The following BTBD9 variants were observed in gnomAD, a reference collection of about 807,000 sequenced individuals.
The protein encoded by BTBD9 is BTB domain containing 9.
A neutral mutation model predicts 64.3 loss-of-function variants in BTBD9; 49 were observed. The ratio of observed to expected loss-of-function variants is 0.76; its 90% CI spans 0.61 to 0.97. BTBD9 has a LOEUF of 0.97. Ranked by LOEUF, BTBD9 falls within the 50% of genes least tolerant of loss-of-function variation. BTBD9 has a pLI of 0.00. For synonymous variants in BTBD9, 260 were observed against 274.7 expected (o/e 0.95, Z 0.53); for missense variants, 598 against 762.1 (o/e 0.78, Z 2.53).
intron 8 of BTBD9, among the ~76,000 whole-genome samples, chr6:38,268,106 T>C (rs1582139848): frequency 6.6e-6 from 1 of 152,224 alleles, no homozygotes; most frequent in South Asian, 2.1e-4. Context: ...TGAATTATGT[T>C]TCAATGCAAA....
intron 9 of BTBD9, among the ~76,000 whole-genome samples, chr6:38,241,290 T>G (rs1161634466): frequency 6.6e-6 from 1 of 152,160 alleles, no homozygotes; most frequent in African/African-American, 2.4e-5. Context: ...ACAGCAGAAA[T>G]TTACACTAAG....
chr6:38,512,861 C>G (rs1021643957), intron 6 of BTBD9, among the ~76,000 whole-genome samples: 2 of 152,068 alleles, frequency 1.3e-5, no homozygotes, highest in African/African-American at 4.8e-5. Context: ...TAGCTTAATG[C>G]TAAAGTTTAA....
chr6:38,198,478 G>C, intron 9 of BTBD9, among the ~76,000 whole-genome samples: 1 of 152,218 alleles, frequency 6.6e-6, no homozygotes, highest in East Asian at 1.9e-4. Context: ...AAGGGTGACC[G>C]TAGTGCTCAG....
At chr6:38,629,642 T>C (rs1014816635) in intron 1 of BTBD9, among the ~76,000 whole-genome samples, 1 of 151,618 alleles carries the variant, frequency 6.6e-6, no homozygotes, top group African/African-American at 2.4e-5. Context: ...GCCAATGTGG[T>C]GAAACCCTGT....
chr6:38,288,013 A>G (rs919675172), intron 8 of BTBD9, among the ~76,000 whole-genome samples: 2 of 152,218 alleles, frequency 1.3e-5, no homozygotes, highest in Non-Finnish European at 2.9e-5. Context: ...TGAAAAGGAC[A>G]TAAGCCACCC....
intron 6 of BTBD9, among the ~76,000 whole-genome samples, chr6:38,543,078 CCT>C (rs1388932843): frequency 3.9e-5 from 6 of 152,346 alleles, no homozygotes; most frequent in Non-Finnish European, 7.3e-5. Flanking sequence ...CTGCCCCTCC[CCT>C]GACTCACCAT....
At chr6:38,473,142 G>A (rs1337825310) in intron 6 of BTBD9, among the ~76,000 whole-genome samples, 2 of 152,152 alleles carry the variant, frequency 1.3e-5, no homozygotes, top group Admixed American at 6.5e-5. Flanking sequence ...TAATAGAGAT[G>A]ACAGAATGCC....
At chr6:38,290,657 A>G (rs1433302973) in intron 7 of BTBD9, among the ~76,000 whole-genome samples, 1 of 152,178 alleles carries the variant, frequency 6.6e-6, no homozygotes, top group Non-Finnish European at 1.5e-5. Flanking sequence ...TCACAGCCGC[A>G]GTGGGAAGAG....
intron 6 of BTBD9, among the ~76,000 whole-genome samples, chr6:38,431,629 G>T (rs1246920294): frequency 6.7e-6 from 1 of 149,964 alleles, no homozygotes; most frequent in Non-Finnish European, 1.5e-5. Context: ...TATCTACTCT[G>T]TCAGCAAATT....
chr6:38,220,291 G>A (rs1190906355), intron 9 of BTBD9, among the ~76,000 whole-genome samples: 7 of 152,204 alleles, frequency 4.6e-5, no homozygotes, highest in African/African-American at 1.7e-4. Flanking sequence ...GCTCCAAACT[G>A]AATACAAAGG....
intron 6 of BTBD9, among the ~76,000 whole-genome samples, chr6:38,508,286 T>C (rs573508020): frequency 2.6e-5 from 4 of 152,288 alleles, no homozygotes; most frequent in Admixed American, 2.6e-4. Context: ...AATTTGCCTT[T>C]TCTTGTGTTC....
intron 7 of BTBD9, among the ~76,000 whole-genome samples, chr6:38,327,359 G>T (rs546267527): frequency 1.3e-5 from 2 of 152,008 alleles, no homozygotes; most frequent in Admixed American, 6.6e-5. Flanking sequence ...CTGTTATATC[G>T]GATTATGAAG....
At chr6:38,417,602 C>T (rs1425918055) in intron 6 of BTBD9, among the ~76,000 whole-genome samples, 1 of 151,970 alleles carries the variant, frequency 6.6e-6, no homozygotes, top group South Asian at 2.1e-4. Context: ...AGCAAAACCA[C>T]GTCTCTACAA....
chr6:38,192,552 G>A lies in BTBD9; in HGVS notation c.1608C>T (p.Ile536=). The change falls in exon 10 of 11, where the codon ATC becomes ATT. Residue 536 remains isoleucine, a synonymous_variant. Coordinates refer to ENST00000481247, the MANE Select transcript of BTBD9 (RefSeq NM_001099272.2). ...CTGTGTTGTGTGTCCCAACGATACG[G>A]ATGAAGGAGGCAGGCTGCCTTTCAA... ...VTFERQPASF[I]RIVGTHNTAN... 1 of 1,613,992 alleles carries A rather than the reference G, an allele frequency of 6.2e-7. No homozygotes were observed. Among genetic ancestry groups the A allele is most frequent in the Non-Finnish European group, 8.5e-7 (1 of 1,179,954 alleles).
At chr6:38,401,137 AG>A (rs1430849791) in intron 6 of BTBD9, among the ~76,000 whole-genome samples, 2 of 152,166 alleles carry the variant, frequency 1.3e-5, no homozygotes, top group Admixed American at 1.3e-4. Flanking sequence ...CCACATGTCA[AG>A]GGAGGGACCT....
intron 6 of BTBD9, among the ~76,000 whole-genome samples, chr6:38,419,785 G>T (rs999002385): frequency 3.9e-5 from 6 of 152,040 alleles, no homozygotes; most frequent in African/African-American, 1.4e-4. Flanking sequence ...CGGGAGAATC[G>T]CTTGAACTCG....
At chr6:38,291,094 TG>T (rs1279633189) in intron 7 of BTBD9, among the ~76,000 whole-genome samples, 1 of 152,214 alleles carries the variant, frequency 6.6e-6, no homozygotes, top group Non-Finnish European at 1.5e-5. Flanking sequence ...TCTATGTATG[TG>T]GAAGTGGAAT....
intron 9 of BTBD9, among the ~76,000 whole-genome samples, chr6:38,223,202 C>T (rs922356053): frequency 6.6e-6 from 1 of 152,252 alleles, no homozygotes; most frequent in East Asian, 1.9e-4. Flanking sequence ...CCACTACGCC[C>T]GGCCTAGAGG....
intron 9 of BTBD9, among the ~76,000 whole-genome samples, chr6:38,229,025 C>T (rs957071822): frequency 8.6e-5 from 13 of 151,914 alleles, no homozygotes; most frequent in Admixed American, 3.3e-4. Flanking sequence ...AGTGAAACCC[C>T]GTCTCTACTA....
Sources: allele counts gnomAD v4.1 joint callset (sites outside exome capture counted in the v4.1 genomes callset), GRCh38; gene constraint gnomAD v4.1.1; transcripts MANE v1.5; gene names NCBI Gene and HGNC (gene_info 2026-07-23, HGNC 2026-07-21).